The following CPQ variants were observed in gnomAD, a reference collection of about 807,000 sequenced individuals.
CPQ encodes the protein Ser-Met dipeptidase.
CPQ carries 37 observed loss-of-function variants against 45.7 expected under a neutral mutation model. The ratio of observed to expected loss-of-function variants is 0.81; its 90% CI spans 0.62 to 1.07. The LOEUF is 1.07. Ranked by LOEUF, CPQ falls within the 50% of genes least tolerant of loss-of-function variation. CPQ has a pLI of 0.00. For synonymous variants in CPQ, 186 were observed against 205.8 expected, an observed-to-expected ratio of 0.90 and a Z score of 0.82; for missense variants, 537 against 572.9, an observed-to-expected ratio of 0.94 and a Z score of 0.64.
intron 2 of CPQ, 67 bp downstream of exon 2, chr8:96,785,397 C>T: frequency 8.2e-7 from 1 of 1,218,954 alleles, no homozygotes; most frequent in Non-Finnish European, 1.1e-6. Flanking sequence ...TAATTGAGTA[C>T]AATATGCATG....
At chr8:96,729,843 ATGTGTGTGTGTT>A (rs1264102314) in intron 1 of CPQ, among the ~76,000 whole-genome samples, 4 of 148,902 alleles carry the variant, frequency 2.7e-5, no homozygotes, top group Non-Finnish European at 4.5e-5. Flanking sequence ...TGAATTTCTT[ATGTGTGTGTGTT>A]TGTGTGTGTG....
chr8:96,662,548 T>C (rs1294931875), intron 1 of CPQ, among the ~76,000 whole-genome samples: 1 of 152,222 alleles, frequency 6.6e-6, no homozygotes, highest in Non-Finnish European at 1.5e-5. Context: ...TAGGTAGACT[T>C]GTCTATTAGC....
intron 4 of CPQ, among the ~76,000 whole-genome samples, chr8:96,952,747 G>GT (rs1428846407): frequency 6.6e-6 from 1 of 152,120 alleles, no homozygotes; most frequent in Non-Finnish European, 1.5e-5. Flanking sequence ...ATGAAGTACT[G>GT]TTTTACACAG....
intron 1 of CPQ, among the ~76,000 whole-genome samples, chr8:96,784,403 G>GGC (rs1554566984): frequency 6.6e-6 from 1 of 151,690 alleles, no homozygotes; most frequent in Non-Finnish European, 1.5e-5. Context: ...CTGAGGTGGG[G>GGC]GGGGGGTTGG....
chr8:96,904,353 T>A (rs2130899405), intron 4 of CPQ, among the ~76,000 whole-genome samples: 1 of 152,372 alleles, frequency 6.6e-6, no homozygotes, highest in Non-Finnish European at 1.5e-5. Flanking sequence ...CATTTGCCTT[T>A]GGGATGCCTT....
At chr8:96,753,537 G>C (rs996714771) in intron 1 of CPQ, among the ~76,000 whole-genome samples, 2 of 139,112 alleles carry the variant, frequency 1.4e-5, no homozygotes, top group Admixed American at 1.4e-4. Flanking sequence ...ATCCCTCAAG[G>C]TTTTACTTAA....
chr8:96,911,707 C>G (rs1812666589), intron 4 of CPQ, among the ~76,000 whole-genome samples: 1 of 152,132 alleles, frequency 6.6e-6, no homozygotes, highest in South Asian at 2.1e-4. Flanking sequence ...TCTCAGAAAC[C>G]CTACTACTGA....
At chr8:96,957,177 C>T (rs1420988469) in intron 4 of CPQ, among the ~76,000 whole-genome samples, 10 of 152,152 alleles carry the variant, frequency 6.6e-5, no homozygotes. Context: ...CTAAAAAGTC[C>T]TGGAACTTGA....
chr8:96,885,657 A>C (rs1586438343), intron 4 of CPQ, among the ~76,000 whole-genome samples: 1 of 152,234 alleles, frequency 6.6e-6, no homozygotes, highest in Non-Finnish European at 1.5e-5. Context: ...ACCCTGTTGC[A>C]TAATTCATCC....
At chr8:96,896,273 A>G (rs987974556) in intron 4 of CPQ, among the ~76,000 whole-genome samples, 3 of 152,132 alleles carry the variant, frequency 2.0e-5, no homozygotes, top group Non-Finnish European at 4.4e-5. Context: ...GCCCCTATCA[A>G]CACTCTATTT....
At chr8:96,959,944 T>C (rs947448638) in intron 4 of CPQ, among the ~76,000 whole-genome samples, 2 of 151,886 alleles carry the variant, frequency 1.3e-5, no homozygotes, top group African/African-American at 4.8e-5. Context: ...TTCTGGTTTT[T>C]GATTGAGCAA....
intron 4 of CPQ, among the ~76,000 whole-genome samples, chr8:96,942,597 G>A (rs568195960): frequency 6.6e-5 from 10 of 152,152 alleles, no homozygotes; most frequent in Non-Finnish European, 1.5e-4. Context: ...TAGGTTTATG[G>A]CTCAGTCCCA....
intron 1 of CPQ, among the ~76,000 whole-genome samples, chr8:96,738,674 T>A (rs1170949193): frequency 2.0e-5 from 3 of 152,148 alleles, no homozygotes; most frequent in African/African-American, 7.2e-5. Context: ...TGTGTTCTTA[T>A]TGTTCAATTC....
intron 3 of CPQ, 78 bp downstream of exon 3, chr8:96,835,258 C>A: frequency 9.0e-7 from 1 of 1,114,128 alleles, no homozygotes; most frequent in Non-Finnish European, 1.2e-6. Flanking sequence ...GAAGTAAAAA[C>A]AAACCATTCA....
chr8:97,129,254 C>T (rs1170358309), intron 7 of CPQ, among the ~76,000 whole-genome samples: 1 of 152,122 alleles, frequency 6.6e-6, no homozygotes, highest in Non-Finnish European at 1.5e-5. Context: ...CCCTCTCACT[C>T]CACTCTGGGG....
At chr8:96,647,792 G>C (rs1815534285) in intron 1 of CPQ, among the ~76,000 whole-genome samples, 1 of 152,194 alleles carries the variant, frequency 6.6e-6, no homozygotes, top group Non-Finnish European at 1.5e-5. Flanking sequence ...CTGATACTTT[G>C]ACCTAGGTGC....
chr8:96,931,313 T>A (rs1812971737), intron 4 of CPQ, among the ~76,000 whole-genome samples: 1 of 152,250 alleles, frequency 6.6e-6, no homozygotes, highest in Non-Finnish European at 1.5e-5. Context: ...AGGACAAGTA[T>A]GTGTTTTCCT....
chr8:97,054,004 C>A (rs918988542), intron 6 of CPQ, among the ~76,000 whole-genome samples: 1 of 151,438 alleles, frequency 6.6e-6, no homozygotes, highest in Non-Finnish European at 1.5e-5. Flanking sequence ...GGGAGTTAGG[C>A]AGGGGGAAAA....
At chr8:96,741,048 G>T (rs1436660933) in intron 1 of CPQ, among the ~76,000 whole-genome samples, 1 of 152,174 alleles carries the variant, frequency 6.6e-6, no homozygotes, top group East Asian at 1.9e-4. Context: ...CAGAAGGAAT[G>T]GTACCAGTTC....
Sources: gnomAD v4.1 joint callset for allele counts (sites outside exome capture counted in the v4.1 genomes callset) on GRCh38, gnomAD v4.1.1 for gene constraint, MANE v1.5 for transcripts, NCBI Gene and HGNC (gene_info 2026-07-23, HGNC 2026-07-21) for gene names.